TMEM266: variants seen among roughly 807,000 people sequenced by gnomAD.
TMEM266 encodes the protein transmembrane protein 266.
In TMEM266, 33 loss-of-function variants were observed where a neutral mutation model predicts 50.5. The ratio of observed to expected loss-of-function variants is 0.65; its 90% CI spans 0.50 to 0.87. The LOEUF (loss-of-function observed/expected upper bound fraction) is 0.87. Among genes scored for constraint, TMEM266 ranks in the 40% least tolerant of loss-of-function variants. The pLI, the probability that TMEM266 is intolerant of heterozygous loss-of-function variation, is 0.00. For synonymous variants in TMEM266, 310 were observed against 292.3 expected (o/e 1.06, Z -0.62); for missense variants, 655 against 695.1 (o/e 0.94, Z 0.65).
intron 5 of TMEM266, among the ~76,000 whole-genome samples, chr15:76,167,738 C>T (rs1000058104): frequency 1.1e-4 from 16 of 152,098 alleles, no homozygotes; most frequent in African/African-American, 3.6e-4. Context: ...TGACCTCAAG[C>T]GATCTGCCCG....
chr15:76,067,074 C>T (rs961704921), intron 1 of TMEM266, among the ~76,000 whole-genome samples: 2 of 152,076 alleles, frequency 1.3e-5, no homozygotes, highest in Admixed American at 1.3e-4. Context: ...GAACCGTTCT[C>T]CATAGGATCA....
intron 9 of TMEM266, among the ~76,000 whole-genome samples, chr15:76,198,867 G>A (rs1468493394): frequency 1.3e-5 from 2 of 152,266 alleles, no homozygotes; most frequent in African/African-American, 2.4e-5. Context: ...GGCCAGCCTG[G>A]CTCTCAGACT....
At chr15:76,096,306 T>C (rs575155167) in intron 1 of TMEM266, among the ~76,000 whole-genome samples, 96 of 152,230 alleles carry the variant, frequency 6.3e-4, no homozygotes, top group African/African-American at 2.3e-3. Context: ...TCTGAAACGT[T>C]GTGTTTTCGT....
chr15:76,169,139 G>A (rs116936895), intron 5 of TMEM266, among the ~76,000 whole-genome samples: 2 of 152,144 alleles, frequency 1.3e-5, no homozygotes, highest in East Asian at 1.9e-4. Context: ...TTGGGAAGAC[G>A]GAAGGAGGAA....
At chr15:76,185,595 T>C (rs1313532277) in intron 8 of TMEM266, among the ~76,000 whole-genome samples, 1 of 152,250 alleles carries the variant, frequency 6.6e-6, no homozygotes, top group African/African-American at 2.4e-5. Context: ...CACTCAAATA[T>C]TTACCCAGGT....
chr15:76,115,659 G>A (rs758174314), intron 1 of TMEM266, among the ~76,000 whole-genome samples: 1 of 152,168 alleles, frequency 6.6e-6, no homozygotes, highest in African/African-American at 2.4e-5. Context: ...CCCTGGCCCC[G>A]GGAGGCCACC....
intron 8 of TMEM266, among the ~76,000 whole-genome samples, chr15:76,188,006 G>A (rs1197729578): frequency 2.6e-5 from 4 of 152,072 alleles, no homozygotes; most frequent in African/African-American, 7.2e-5. Flanking sequence ...ACTTGCTCAC[G>A]AGAACCCATT....
At chr15:76,123,399 C>CG (rs1478020482) in intron 1 of TMEM266, among the ~76,000 whole-genome samples, 1 of 152,174 alleles carries the variant, frequency 6.6e-6, no homozygotes, top group Non-Finnish European at 1.5e-5. Flanking sequence ...TGGCTTCCCC[C>CG]TAGGAGCAGA....
intron 7 of TMEM266, among the ~76,000 whole-genome samples, chr15:76,172,827 G>A (rs2038206430): frequency 1.3e-5 from 2 of 152,196 alleles, no homozygotes; most frequent in African/African-American, 4.8e-5. Flanking sequence ...AGTCTGCTCA[G>A]GGCCCTGTTC....
Position 76,203,781 on chromosome 15 carries a change from G to C in TMEM266, c.1062G>C (p.Thr354=). ...AGCCAGCTGTGTGTATGGTCACCAC[G>C]GCCGCAATAGACATTCACCAGCCCA... Residue 354 remains threonine, a synonymous_variant, in exon 11 of 11, where the codon ACG becomes ACC. Transcript: ENST00000388942. The C allele has an allele frequency of 6.2e-7, 1 of 1,614,120 alleles. No homozygotes were observed. Among genetic ancestry groups the C allele is most frequent in the Non-Finnish European group, 8.5e-7 (1 of 1,179,998 alleles).
Position 76,097,396 on chromosome 15 carries a change from T to C in TMEM266, c.-96-36772T>C, listed in dbSNP as rs1283427003. 1.1e-4 allele frequency among the ~76,000 whole-genome samples: 16 copies of C among 152,192 alleles called. No individual in the cohort carries two copies. In the South Asian group the frequency reaches 2.1e-3, roughly 20 times the overall value. ...CAGCTTAGTTTGGCTGGATATGAAATTCTGGGTTGAAAATTCTTTTCTTTA... is the reference window on the plus strand; with the variant it reads ...CAGCTTAGTTTGGCTGGATATGAAACTCTGGGTTGAAAATTCTTTTCTTTA... On this transcript the variant is annotated intron_variant, in intron 1 of 10. Coordinates refer to ENST00000388942, the MANE Select transcript of TMEM266 (RefSeq NM_152335.3).
intron 2 of TMEM266, among the ~76,000 whole-genome samples, chr15:76,135,975 C>A (rs1017557015): frequency 6.7e-6 from 1 of 150,276 alleles, no homozygotes; most frequent in African/African-American, 2.4e-5. Flanking sequence ...TAGAGTTTCA[C>A]TCTTGTTGCC....
intron 9 of TMEM266, among the ~76,000 whole-genome samples, chr15:76,197,178 C>T (rs2142087302): frequency 6.6e-6 from 1 of 152,298 alleles, no homozygotes; most frequent in African/African-American, 2.4e-5. Context: ...CCTGGCTGAT[C>T]ATGAAGGCAA....
chr15:76,106,733 AC>A (rs2037086058), intron 1 of TMEM266, among the ~76,000 whole-genome samples: 1 of 152,270 alleles, frequency 6.6e-6, no homozygotes, highest in Admixed American at 6.5e-5. Context: ...GGCGTGAGCC[AC>A]CATGACCAGC....
chr15:76,092,744 A>G (rs560550220), intron 1 of TMEM266, among the ~76,000 whole-genome samples: 1 of 151,412 alleles, frequency 6.6e-6, no homozygotes, highest in Non-Finnish European at 1.5e-5. Context: ...ACTATGTTCT[A>G]GTCAGTATTC....
At chr15:76,123,273 C>A (rs1227406006) in intron 1 of TMEM266, among the ~76,000 whole-genome samples, 1 of 152,166 alleles carries the variant, frequency 6.6e-6, no homozygotes, top group Non-Finnish European at 1.5e-5. Context: ...GTCAAGGTAA[C>A]AACAAGGAGG....
intron 1 of TMEM266, among the ~76,000 whole-genome samples, chr15:76,117,236 A>G (rs1295441177): frequency 6.3e-5 from 9 of 142,624 alleles, no homozygotes; most frequent in Non-Finnish European, 1.2e-4. Context: ...CATAAATTTG[A>G]CAGTGTGTAC....
Position 76,069,700 on chromosome 15 carries a change from C to A in TMEM266, c.-97+9684C>A, listed in dbSNP as rs111806911. 2.3e-3 allele frequency among the ~76,000 whole-genome samples: 355 copies of A among 152,182 alleles called. 2 individuals are homozygous for A. The highest frequency in any genetic ancestry group is 0.017 in the Middle Eastern group (5 of 294). On this transcript the variant is annotated intron_variant, in intron 1 of 10. Coordinates refer to ENST00000388942, the MANE Select transcript of TMEM266 (RefSeq NM_152335.3). The stretch of plus-strand genomic sequence containing the variant: ...GGACATGGTGGTGCACGCCTGTAGT[C>A]ACAGCTACTCGGGAGGCTGAGGCAG...
intron 1 of TMEM266, among the ~76,000 whole-genome samples, chr15:76,073,078 T>C (rs1455770840): frequency 1.3e-5 from 2 of 151,152 alleles, no homozygotes; most frequent in East Asian, 3.9e-4. Flanking sequence ...ATTACAGGCA[T>C]GTGTCACCAC....
Sources: gnomAD v4.1 joint callset for allele counts (sites outside exome capture counted in the v4.1 genomes callset) on GRCh38, gnomAD v4.1.1 for gene constraint, MANE v1.5 for transcripts, NCBI Gene and HGNC (gene_info 2026-07-23, HGNC 2026-07-21) for gene names.